The following SOX5 variants were observed in gnomAD, a reference collection of about 807,000 sequenced individuals.
The protein encoded by SOX5 is transcription factor SOX-5.
In SOX5, 9 loss-of-function variants were observed where a neutral mutation model predicts 92.0. The observed-to-expected ratio is 0.10, with a 90% CI of 0.06 to 0.17. The LOEUF is 0.17. SOX5 is among the 10% of genes least tolerant of loss of function. The pLI is 1.00. For synonymous variants in SOX5, 344 were observed against 336.3 expected (o/e 1.02, Z -0.25); for missense variants, 642 against 944.5 (o/e 0.68, Z 4.20).
chr12:24,247,061 G>A (rs1743272634), intron 3 of SOX5, among the ~76,000 whole-genome samples: 1 of 152,126 alleles, frequency 6.6e-6, no homozygotes, highest in African/African-American at 2.4e-5. Flanking sequence ...AGTCCTCAAC[G>A]ACAAGAGTGA....
chr12:23,945,901 A>G (rs114326231), intron 1 of SOX5, among the ~76,000 whole-genome samples: 14 of 152,268 alleles, frequency 9.2e-5, no homozygotes, highest in African/African-American at 3.4e-4. Flanking sequence ...TTTCATGACT[A>G]TGGTCAAACT....
chr12:24,103,326 T>A (rs1036921650), intron 4 of SOX5, among the ~76,000 whole-genome samples: 16 of 149,866 alleles, frequency 1.1e-4, no homozygotes, highest in African/African-American at 3.9e-4. Flanking sequence ...ATCTCAAACA[T>A]CTTTAATAGT....
At chr12:24,161,412 A>G (rs765749750) in intron 4 of SOX5, among the ~76,000 whole-genome samples, 5 of 152,138 alleles carry the variant, frequency 3.3e-5, no homozygotes, top group Non-Finnish European at 5.9e-5. Context: ...TGAAGTATAC[A>G]GAGTTTGAAA....
At chr12:23,883,177 T>G (rs1444950941) in intron 2 of SOX5, among the ~76,000 whole-genome samples, 1 of 146,218 alleles carries the variant, frequency 6.8e-6, no homozygotes, top group African/African-American at 2.5e-5. Flanking sequence ...CGAGACTCCA[T>G]CTCAAAAAAA....
At chr12:23,762,417 T>A (rs2094586315) in intron 3 of SOX5, 1 of 382,356 alleles carries the variant, frequency 2.6e-6, no homozygotes, top group East Asian at 3.7e-5. Context: ...CTCTAAAAAA[T>A]TCGTAATATA....
intron 1 of SOX5, among the ~76,000 whole-genome samples, chr12:24,478,919 A>G (rs1358120748): frequency 6.6e-6 from 1 of 152,228 alleles, no homozygotes; most frequent in African/African-American, 2.4e-5. Flanking sequence ...GAAATCTTCA[A>G]CATCATTCAA....
chr12:23,834,338 A>G (rs1360562219), intron 3 of SOX5, among the ~76,000 whole-genome samples: 1 of 152,012 alleles, frequency 6.6e-6, no homozygotes, highest in African/African-American at 2.4e-5. Flanking sequence ...GGGTAGAGTC[A>G]GATTACATAT....
At chr12:24,097,943 A>T (rs1482748499) in intron 4 of SOX5, among the ~76,000 whole-genome samples, 1 of 143,012 alleles carries the variant, frequency 7.0e-6, no homozygotes, top group East Asian at 2.1e-4. Flanking sequence ...TCACTGTTAC[A>T]ATTTTTTCAG....
intron 4 of SOX5, among the ~76,000 whole-genome samples, chr12:24,049,638 GTTTTTTTTTTTTTT>G (rs527647441): frequency 1.1e-4 from 8 of 73,772 alleles, no homozygotes; most frequent in Middle Eastern, 0.01. Context: ...ATCCTTCATA[GTTTTTTTTTTTTTT>G]TTTTTTTTTT....
intron 3 of SOX5, among the ~76,000 whole-genome samples, chr12:24,241,599 C>CTTTGA (rs374953140): frequency 0.12 from 18,095 of 152,078 alleles, 1,311 homozygotes; most frequent in Admixed American, 0.18. Flanking sequence ...AACTCCATTC[C>CTTTGA]TAGTTTGCAG....
chr12:23,975,212 T>C lies in SOX5; in HGVS notation c.-1-79188A>G, dbSNP rs143972505. On this transcript the variant is annotated intron_variant, in intron 4 of 4. Transcript: ENST00000446891. ...TTTGCAAACATATTAAAATGTTGCA[T>C]AGCAAGTGAAAGAGCACCACCTAAA... Among the ~76,000 whole-genome samples, 536 of 152,282 alleles carry C rather than the reference T, an allele frequency of 3.5e-3. 6 individuals carry two copies. Among genetic ancestry groups the C allele is most frequent in the African/African-American group, 0.013 (526 of 41,566 alleles).
At chr12:24,176,949 T>C (rs1322925954) in intron 4 of SOX5, among the ~76,000 whole-genome samples, 1 of 151,024 alleles carries the variant, frequency 6.6e-6, no homozygotes, top group Non-Finnish European at 1.5e-5. Flanking sequence ...CTTCATACTA[T>C]GTTCAGAGCA....
chr12:23,804,355 GCTA>G (rs1172088224), intron 3 of SOX5, among the ~76,000 whole-genome samples: 1 of 152,078 alleles, frequency 6.6e-6, no homozygotes, highest in Non-Finnish European at 1.5e-5. Context: ...TATCCACTGT[GCTA>G]CTGTTTGTTT....
intron 1 of SOX5, among the ~76,000 whole-genome samples, chr12:24,556,681 G>C (rs1414079681): frequency 6.6e-6 from 1 of 152,166 alleles, no homozygotes; most frequent in Non-Finnish European, 1.5e-5. Context: ...AGGTCCTAAA[G>C]TTTTTATTTA....
intron 4 of SOX5, among the ~76,000 whole-genome samples, chr12:24,019,236 A>C (rs79396783): frequency 6.6e-6 from 1 of 152,172 alleles, no homozygotes; most frequent in South Asian, 2.1e-4. Context: ...GCTTCCAAAA[A>C]TGCTAGGGTT....
intron 2 of SOX5, among the ~76,000 whole-genome samples, chr12:24,297,626 T>C (rs1282323648): frequency 6.6e-6 from 1 of 152,184 alleles, no homozygotes; most frequent in Non-Finnish European, 1.5e-5. Context: ...CCTTTTAAGA[T>C]TGTCTTTTGT....
chr12:23,739,017 T>A (rs1026429132), intron 5 of SOX5, among the ~76,000 whole-genome samples: 4 of 151,716 alleles, frequency 2.6e-5, no homozygotes, highest in African/African-American at 7.3e-5. Context: ...TAGAGAAGAG[T>A]ACAATGGAAA....
chr12:23,762,520 T>C (rs942480590), intron 3 of SOX5: 2 of 480,406 alleles, frequency 4.2e-6, no homozygotes, highest in African/African-American at 4.0e-5. Flanking sequence ...TGTCCTGAAG[T>C]GAATTAAACA....
At chr12:23,697,387 T>C (rs1031631570) in intron 6 of SOX5, among the ~76,000 whole-genome samples, 27 of 152,182 alleles carry the variant, frequency 1.8e-4, no homozygotes, top group Non-Finnish European at 2.1e-4. Context: ...TCCAGTTTTC[T>C]TTTGATTAGT....
Sources: gnomAD v4.1 joint callset for allele counts (sites outside exome capture counted in the v4.1 genomes callset) on GRCh38, gnomAD v4.1.1 for gene constraint, MANE v1.5 for transcripts, NCBI Gene and HGNC (gene_info 2026-07-23, HGNC 2026-07-21) for gene names.